The following CELF2 variants were observed in gnomAD, a reference collection of about 807,000 sequenced individuals.
The protein encoded by CELF2 is CUG triplet repeat RNA-binding protein 2.
Under a neutral mutation model 62.6 loss-of-function variants are expected in CELF2, and 8 were observed. The observed-to-expected ratio is 0.13, with a 90% confidence interval of 0.07 to 0.23. The LOEUF is 0.23. Ranked by LOEUF, CELF2 falls within the 10% of genes least tolerant of loss-of-function variation. The pLI, the probability that CELF2 is intolerant of heterozygous loss-of-function variation, is 1.00. For missense variants in CELF2, 333 were observed against 671.0 expected, an observed-to-expected ratio of 0.50 and a Z score of 5.56; for synonymous variants, 258 against 250.0, an observed-to-expected ratio of 1.03 and a Z score of -0.30.
chr10:11,058,220 A>G (rs1263542978), intron 1 of CELF2, among the ~76,000 whole-genome samples: 1 of 152,194 alleles, frequency 6.6e-6, no homozygotes, highest in East Asian at 1.9e-4. Context: ...GCCATGCGGT[A>G]ACATTGTTAA....
At position 11,207,734 on chromosome 10, in the gene CELF2, C is replaced by T. The variant is rs1261322523; in HGVS notation, c.272-9691C>T. 6.6e-6 allele frequency among the ~76,000 whole-genome samples: 1 copy of T among 152,166 alleles called. No homozygotes were observed. Among genetic ancestry groups the T allele is most frequent in the East Asian group, 1.9e-4 (1 of 5,182 alleles). On this transcript the variant is annotated intron_variant, in intron 2 of 12. Transcript: ENST00000633077. The surrounding 1 kb of genome is among the most constrained non-coding windows in gnomAD (Gnocchi z 4.1). The stretch of plus-strand genomic sequence containing the variant: ...CGCCCGTCAGCTTCCTAGGCAGTGG[C>T]CAGATGGTGATACCGCTGACATCAG...
intron 1 of CELF2, among the ~76,000 whole-genome samples, chr10:10,870,333 G>A (rs896919195): frequency 1.3e-5 from 2 of 151,870 alleles, no homozygotes; most frequent in Admixed American, 6.6e-5. Flanking sequence ...TGCCTATCTC[G>A]GGGTATATAT....
At chr10:11,077,039 T>C (rs576329950) in intron 1 of CELF2, among the ~76,000 whole-genome samples, 1 of 152,332 alleles carries the variant, frequency 6.6e-6, no homozygotes, top group African/African-American at 2.4e-5. Context: ...CAAGTCACTT[T>C]ATTTTTCTGG....
At chr10:11,291,455 T>C (rs1013963960) in intron 9 of CELF2, among the ~76,000 whole-genome samples, 2 of 152,182 alleles carry the variant, frequency 1.3e-5, no homozygotes, top group African/African-American at 4.8e-5. Flanking sequence ...GGCCTTGAAA[T>C]AAAAATTAAA....
intron 5 of CELF2, among the ~76,000 whole-genome samples, chr10:11,259,927 CTGT>C (rs1392822156): frequency 1.3e-5 from 2 of 152,146 alleles, no homozygotes; most frequent in Non-Finnish European, 2.9e-5. Context: ...CTGTTATCTC[CTGT>C]TGTTATTCTC....
intron 4 of CELF2, among the ~76,000 whole-genome samples, chr10:11,250,283 A>G (rs186287111): frequency 1.3e-5 from 2 of 152,362 alleles, no homozygotes; most frequent in African/African-American, 4.8e-5. Flanking sequence ...CCAAGGCAGG[A>G]GGATCCCTTG....
At chr10:10,954,559 C>G (rs1045136119) in intron 2 of CELF2, among the ~76,000 whole-genome samples, 4 of 152,142 alleles carry the variant, frequency 2.6e-5, no homozygotes, top group African/African-American at 9.7e-5. Context: ...TTGGCAACTT[C>G]TAACAAAATG....
At chr10:10,929,225 A>G (rs1411915389) in intron 2 of CELF2, among the ~76,000 whole-genome samples, 1 of 152,216 alleles carries the variant, frequency 6.6e-6, no homozygotes, top group East Asian at 1.9e-4. Flanking sequence ...CTTTGGGCTC[A>G]GAAATGCTTG....
intron 2 of CELF2, among the ~76,000 whole-genome samples, chr10:11,172,011 C>A (rs1435865164): frequency 6.6e-6 from 1 of 152,122 alleles, no homozygotes; most frequent in African/African-American, 2.4e-5. Context: ...TTTATTTAAG[C>A]AATGTTATCT....
chr10:10,703,074 C>T, the CELF2 span, among the ~76,000 whole-genome samples: 3 of 152,176 alleles, frequency 2.0e-5, no homozygotes, highest in African/African-American at 4.8e-5. Context: ...AGAACCAACC[C>T]GACTTCTTCA....
the CELF2 span, among the ~76,000 whole-genome samples, chr10:10,598,774 T>G: frequency 7.0e-6 from 1 of 142,364 alleles, no homozygotes; most frequent in Non-Finnish European, 1.5e-5. Flanking sequence ...TTTTTTTTTT[T>G]TTTTGAGACA....
intron 8 of CELF2, among the ~76,000 whole-genome samples, chr10:11,278,376 G>A (rs1199711789): frequency 6.6e-6 from 1 of 152,180 alleles, no homozygotes; most frequent in Non-Finnish European, 1.5e-5. Context: ...GAGTTGGTTG[G>A]TTTTTATTTT....
intron 12 of CELF2, among the ~76,000 whole-genome samples, chr10:11,327,124 G>A (rs549384947): frequency 6.6e-5 from 10 of 150,956 alleles, no homozygotes; most frequent in East Asian, 3.9e-4. Flanking sequence ...CCCATTCGGC[G>A]GCTGCTGTGG....
At chr10:10,488,629 A>G in the CELF2 span, among the ~76,000 whole-genome samples, 1 of 152,112 alleles carries the variant, frequency 6.6e-6, no homozygotes, top group Non-Finnish European at 1.5e-5. Context: ...TGCTCAAGAA[A>G]TGGCAGGTAT....
In CELF2 at chr10:11,294,649, A is replaced by G. The variant is rs543254820; in HGVS notation, c.976+6097A>G. ...GTCACACGGCCAGGCGCAGTGGCTC[A>G]CGCCTGTAATCCCAACACTTTGGGA... On this transcript the variant is annotated intron_variant, in intron 9 of 12. Coordinates refer to ENST00000633077, the MANE Select transcript of CELF2 (RefSeq NM_001326342.2). Among the ~76,000 whole-genome samples the G allele has an allele frequency of 1.7e-3, 263 of 152,014 alleles. 1 individual carries two copies. The highest frequency in any genetic ancestry group is 4.1e-3 in the Admixed American group (62 of 15,268).
At position 11,296,022 on chromosome 10, in the gene CELF2, G is replaced by T. The variant is rs866237023; in HGVS notation, c.976+7470G>T. On this transcript the variant is annotated intron_variant, in intron 9 of 12. Coordinates refer to ENST00000633077, the MANE Select transcript of CELF2 (RefSeq NM_001326342.2). The surrounding 1 kb of genome is among the most constrained non-coding windows in gnomAD (Gnocchi z 5.0). ...AGCTTAATAAAGCTGCGCAGCTTTG[G>T]GGGTAGAGATATTTACGGTTCACCA... is the stretch of plus-strand genomic sequence containing the variant. Among the ~76,000 whole-genome samples, 1 of 152,098 alleles carries T rather than the reference G, an allele frequency of 6.6e-6. No individual in the cohort carries two copies. Among genetic ancestry groups the T allele is most frequent in the African/African-American group, 2.4e-5 (1 of 41,408 alleles).
intron 1 of CELF2, among the ~76,000 whole-genome samples, chr10:11,074,570 T>G (rs2071271539): frequency 6.6e-6 from 1 of 152,244 alleles, no homozygotes; most frequent in Non-Finnish European, 1.5e-5. Context: ...CACTATGGGA[T>G]AAATTACCTG....
At chr10:10,555,482 G>C in the CELF2 span, among the ~76,000 whole-genome samples, 1 of 152,114 alleles carries the variant, frequency 6.6e-6, no homozygotes, top group African/African-American at 2.4e-5. Context: ...GCAAACCCAA[G>C]TTATGTTTCT....
chr10:10,550,732 C>G, the CELF2 span, among the ~76,000 whole-genome samples: 1 of 149,686 alleles, frequency 6.7e-6, no homozygotes. Context: ...GAGTTTTGCT[C>G]TTGTTGCCCA....
Sources: gnomAD v4.1 joint callset for allele counts (sites outside exome capture counted in the v4.1 genomes callset) on GRCh38, gnomAD v4.1.1 for gene constraint, Gnocchi (gnomAD v3.1) non-coding constraint, MANE v1.5 for transcripts, NCBI Gene and HGNC (gene_info 2026-07-23, HGNC 2026-07-21) for gene names.